The following SPTBN1 variants were observed in gnomAD, a reference collection of about 807,000 sequenced individuals.
SPTBN1 encodes spectrin beta chain, non-erythrocytic 1.
SPTBN1 carries 32 observed loss-of-function variants against 266.4 expected under a neutral mutation model. The observed-to-expected ratio is 0.12, with a 90% CI of 0.09 to 0.16. SPTBN1 has a LOEUF of 0.16. Ranked by LOEUF, SPTBN1 falls within the 10% of genes least tolerant of loss-of-function variation. SPTBN1 has a pLI of 1.00. For missense variants in SPTBN1, 2,296 were observed against 3,067.1 expected, an observed-to-expected ratio of 0.75 and a Z score of 5.94; for synonymous variants, 1,336 against 1,162.2, an observed-to-expected ratio of 1.15 and a Z score of -3.04.
chr2:54,586,895 A>G (rs540622593), intron 2 of SPTBN1, among the ~76,000 whole-genome samples: 1 of 152,256 alleles, frequency 6.6e-6, no homozygotes, highest in Non-Finnish European at 1.5e-5. Flanking sequence ...ATCCTCTTCT[A>G]TCTTGAATGT....
chr2:54,535,773 C>G (rs951965305), intron 2 of SPTBN1, among the ~76,000 whole-genome samples: 1 of 152,172 alleles, frequency 6.6e-6, no homozygotes, highest in Non-Finnish European at 1.5e-5. Context: ...CCTGTAATCC[C>G]AGCCAAGGCA....
intron 19 of SPTBN1, among the ~76,000 whole-genome samples, chr2:54,643,771 G>T (rs2048371): frequency 0.72 from 109,420 of 151,898 alleles, 39,674 homozygotes; most frequent in African/African-American, 0.75. Flanking sequence ...ATCACTGGAG[G>T]CCAGGAGTTT....
chr2:54,470,442 A>G (rs1693862451), intron 1 of SPTBN1, among the ~76,000 whole-genome samples: 1 of 152,176 alleles, frequency 6.6e-6, no homozygotes, highest in African/African-American at 2.4e-5. Context: ...AGTCAGTGGT[A>G]TTTCATGTAA....
chr2:54,552,937 G>C (rs775249372), intron 2 of SPTBN1, among the ~76,000 whole-genome samples: 3 of 152,254 alleles, frequency 2.0e-5, no homozygotes, highest in Non-Finnish European at 4.4e-5. Flanking sequence ...CAGGCCATGG[G>C]CCTTGAGTGG....
chr2:54,630,471 T>C (rs1678655671), intron 15 of SPTBN1, among the ~76,000 whole-genome samples: 1 of 152,250 alleles, frequency 6.6e-6, no homozygotes, highest in Non-Finnish European at 1.5e-5. Context: ...GAGTAGGTTA[T>C]GGCACCTGGC....
At chr2:54,559,796 C>T (rs899679463) in intron 2 of SPTBN1, among the ~76,000 whole-genome samples, 1 of 152,132 alleles carries the variant, frequency 6.6e-6, no homozygotes, top group South Asian at 2.1e-4. Context: ...AAGTAGTATT[C>T]GAGGACTGTG....
chr2:54,507,176 G>A (rs1425405359), intron 1 of SPTBN1, among the ~76,000 whole-genome samples: 4 of 152,142 alleles, frequency 2.6e-5, no homozygotes, highest in African/African-American at 9.7e-5. Flanking sequence ...ATGGTGGAAT[G>A]TTATCAGTTA....
In SPTBN1 at chr2:54,670,210, G is replaced by GAA. The variant is rs79924562; in HGVS notation, c.*1652_*1653dup. ...TTTATACAGATCAGACCAAAAAGAAGAAAAAAAAAAAACAGGCAAGAGGTT... is the reference window on the plus strand; with the variant it reads ...TTTATACAGATCAGACCAAAAAGAAGAAAAAAAAAAAAAACAGGCAAGAGGTT... On this transcript the variant is annotated 3_prime_UTR_variant, in exon 36 of 36. Transcript: ENST00000356805. The GAA allele has an allele frequency of 2.8e-5, 4 of 141,188 alleles. No individual in the cohort carries two copies. Among genetic ancestry groups the GAA allele is most frequent in the Non-Finnish European group, 1.6e-5 (1 of 64,512 alleles). 8.7% of individuals were successfully genotyped at this position (141,188 alleles called of 1,614,324 possible).
intron 9 of SPTBN1, among the ~76,000 whole-genome samples, chr2:54,623,009 T>C (rs1216309827): frequency 6.6e-6 from 1 of 152,214 alleles, no homozygotes; most frequent in East Asian, 1.9e-4. Flanking sequence ...CTTTTTTAAG[T>C]TCATAATTGT....
chr2:54,478,546 G>A (rs1432172641), intron 1 of SPTBN1, among the ~76,000 whole-genome samples: 1 of 152,150 alleles, frequency 6.6e-6, no homozygotes, highest in Non-Finnish European at 1.5e-5. Flanking sequence ...TTGTATCAAA[G>A]AAGAGTCCAG....
At chr2:54,663,685 T>G (rs1681195837) in intron 32 of SPTBN1, 1 of 152,294 alleles carries the variant, frequency 6.6e-6, no homozygotes, top group African/African-American at 2.4e-5. Flanking sequence ...CTGTCTTTGT[T>G]TGGGGGTAAA....
chr2:54,501,237 C>T (rs939618910), intron 1 of SPTBN1, among the ~76,000 whole-genome samples: 1 of 152,208 alleles, frequency 6.6e-6, no homozygotes, highest in Non-Finnish European at 1.5e-5. Context: ...CCTTCCTTAT[C>T]CCACATGAGC....
chr2:54,659,564 G>A (rs1680899440), intron 31 of SPTBN1, among the ~76,000 whole-genome samples: 1 of 151,754 alleles, frequency 6.6e-6, no homozygotes. Flanking sequence ...TGCATGGAGT[G>A]AACTGCCCAG....
At chr2:54,610,040 C>A (rs1043415088) in intron 3 of SPTBN1, among the ~76,000 whole-genome samples, 11 of 114,224 alleles carry the variant, frequency 9.6e-5, no homozygotes, top group African/African-American at 3.9e-4. Context: ...AGGGCACTTT[C>A]GTCTGCATTA....
intron 1 of SPTBN1, among the ~76,000 whole-genome samples, chr2:54,507,784 T>G (rs1416806883): frequency 4.1e-5 from 6 of 146,106 alleles, no homozygotes; most frequent in Non-Finnish European, 8.9e-5. Flanking sequence ...CACTCTTCAT[T>G]TAAAAATATA....
At chr2:54,561,732 A>G (rs1673316105) in intron 2 of SPTBN1, among the ~76,000 whole-genome samples, 1 of 148,602 alleles carries the variant, frequency 6.7e-6, no homozygotes, top group South Asian at 2.1e-4. Flanking sequence ...TATAAATATA[A>G]ATCGAGTTAT....
In SPTBN1 at chr2:54,655,983, G is replaced by C. The variant is rs1680626509; in HGVS notation, c.6031G>C (p.Glu2011Gln). The C allele has an allele frequency of 6.2e-7, 1 of 1,612,948 alleles. No homozygotes were observed. Among genetic ancestry groups the C allele is most frequent in the African/African-American group, 1.3e-5 (1 of 74,920 alleles). ...EMIDKWEDRW[E>Q]WLRLILEVHQ... ...GATCGACAAGTGGGAAGACCGATGG[G>C]AATGGTTAAGACTGAGTAAGGATGT... is the stretch of plus-strand genomic sequence containing the variant. Residue 2011 changes from glutamate to glutamine, a missense_variant, in exon 29 of 36, where the codon GAA becomes CAA. This residue lies in a region of SPTBN1 where 644 missense variants were observed against 745.3 expected (regional missense o/e 0.86). Coordinates refer to ENST00000356805, the MANE Select transcript of SPTBN1 (RefSeq NM_003128.3).
At chr2:54,486,279 G>T (rs1487366466) in intron 1 of SPTBN1, among the ~76,000 whole-genome samples, 5 of 152,088 alleles carry the variant, frequency 3.3e-5, no homozygotes, top group African/African-American at 1.2e-4. Context: ...GGAATAGAAA[G>T]GGGGGAAAGG....
intron 1 of SPTBN1, among the ~76,000 whole-genome samples, chr2:54,488,528 G>A (rs1411054963): frequency 6.6e-6 from 1 of 152,076 alleles, no homozygotes; most frequent in African/African-American, 2.4e-5. Context: ...ATTATAAAAG[G>A]TGGTGTGTCA....
Sources: allele counts gnomAD v4.1 joint callset (sites outside exome capture counted in the v4.1 genomes callset), GRCh38; gene constraint gnomAD v4.1.1; regional missense constraint gnomAD v4.1.1; transcripts MANE v1.5; gene names NCBI Gene and HGNC (gene_info 2026-07-23, HGNC 2026-07-21).